Variants in CPEB3 observed in about 807,000 individuals in gnomAD.
CPEB3 encodes cytoplasmic polyadenylation element binding protein 3.
In CPEB3, 20 loss-of-function variants were observed where a neutral mutation model predicts 67.2. The observed-to-expected ratio is 0.30, with a 90% CI of 0.21 to 0.43. The LOEUF (loss-of-function observed/expected upper bound fraction) is 0.43. Among genes scored for constraint, CPEB3 ranks in the 20% least tolerant of loss-of-function variants. CPEB3 has a pLI of 1.00. For missense variants in CPEB3, 746 were observed against 968.6 expected (o/e 0.77, Z 3.05); for synonymous variants, 376 against 393.1 (o/e 0.96, Z 0.51).
intron 8 of CPEB3, among the ~76,000 whole-genome samples, chr10:92,090,629 G>A (rs1220109707): frequency 1.3e-5 from 2 of 152,168 alleles, no homozygotes; most frequent in African/African-American, 4.8e-5. Context: ...TTGTCCATTT[G>A]TAAAATAAGG....
chr10:92,094,244 A>C (rs1270757828), intron 7 of CPEB3, among the ~76,000 whole-genome samples: 1 of 152,014 alleles, frequency 6.6e-6, no homozygotes, highest in East Asian at 1.9e-4. Flanking sequence ...AGACCCTGAA[A>C]ACTTGGACCT....
At chr10:92,131,967 G>A (rs1452375428) in intron 6 of CPEB3, among the ~76,000 whole-genome samples, 1 of 152,108 alleles carries the variant, frequency 6.6e-6, no homozygotes, top group Admixed American at 6.6e-5. Flanking sequence ...ATTTTAAAAG[G>A]TAAAAAGAAA....
At chr10:92,248,549 TGG>T in intron 1 of CPEB3, among the ~76,000 whole-genome samples, 1 of 152,284 alleles carries the variant, frequency 6.6e-6, no homozygotes, top group South Asian at 2.1e-4. Context: ...TACGGATAAA[TGG>T]ATGGATGAAT....
At chr10:92,229,389 T>G (rs1405301425) in intron 2 of CPEB3, among the ~76,000 whole-genome samples, 1 of 152,144 alleles carries the variant, frequency 6.6e-6, no homozygotes, top group Non-Finnish European at 1.5e-5. Context: ...CTCATTCTAG[T>G]CAGTTCTATT....
At chr10:92,139,617 C>A (rs916672536) in intron 6 of CPEB3, among the ~76,000 whole-genome samples, 4 of 152,138 alleles carry the variant, frequency 2.6e-5, no homozygotes, top group Non-Finnish European at 5.9e-5. Context: ...AAGATCTTGT[C>A]TTTGATAGTA....
chr10:92,115,031 C>T (rs1448661287), intron 6 of CPEB3, among the ~76,000 whole-genome samples: 1 of 152,242 alleles, frequency 6.6e-6, no homozygotes, highest in African/African-American at 2.4e-5. Context: ...GCAGCTCCTC[C>T]TCTTCTCCGC....
chr10:92,289,718 CAA>C (rs749285662), intron 1 of CPEB3, among the ~76,000 whole-genome samples: 8 of 30,958 alleles, frequency 2.6e-4, no homozygotes, highest in East Asian at 1.3e-3. Context: ...GCGTCTCTAC[CAA>C]AAAAAAAAAA....
intron 3 of CPEB3, among the ~76,000 whole-genome samples, chr10:92,182,009 AT>A (rs1307594303): frequency 3.9e-5 from 6 of 152,146 alleles, no homozygotes; most frequent in Non-Finnish European, 5.9e-5. Flanking sequence ...AAAAAAAAAA[AT>A]GTACTTAGAA....
chr10:92,278,851 G>A (rs190405718), intron 1 of CPEB3, among the ~76,000 whole-genome samples: 88 of 151,254 alleles, frequency 5.8e-4, no homozygotes, highest in African/African-American at 1.8e-3. Context: ...TGCCTGCCTC[G>A]GCCTCCCAAA....
At chr10:92,162,299 T>C (rs764926937) in intron 4 of CPEB3, among the ~76,000 whole-genome samples, 6 of 152,106 alleles carry the variant, frequency 3.9e-5, no homozygotes, top group Non-Finnish European at 8.8e-5. Flanking sequence ...TTTGGGGTAT[T>C]AGTAATGTTT....
chr10:92,181,048 A>T, intron 3 of CPEB3, 29 bp from the exon 4 acceptor site: 2 of 1,224,454 alleles, frequency 1.6e-6, no homozygotes, highest in South Asian at 2.5e-5. Context: ...TTAAGCAAAA[A>T]GAATGTTTAA....
chr10:92,218,587 G>T (rs569663656), intron 2 of CPEB3, among the ~76,000 whole-genome samples: 29 of 152,310 alleles, frequency 1.9e-4, no homozygotes, highest in African/African-American at 7.0e-4. Context: ...ATTGAGACAT[G>T]GGTCTGTGTT....
At chr10:92,061,951 T>C (rs900898011) in intron 9 of CPEB3, among the ~76,000 whole-genome samples, 26 of 152,290 alleles carry the variant, frequency 1.7e-4, no homozygotes, top group South Asian at 4.1e-4. Context: ...CCACTATGTA[T>C]AAAAATTTGG....
At chr10:92,257,262 G>A (rs1432400783) in intron 1 of CPEB3, among the ~76,000 whole-genome samples, 1 of 152,178 alleles carries the variant, frequency 6.6e-6, no homozygotes, top group African/African-American at 2.4e-5. Context: ...TCAATTGGAA[G>A]GCATAACATT....
At chr10:92,121,302 C>T (rs888091057) in intron 6 of CPEB3, among the ~76,000 whole-genome samples, 1 of 150,222 alleles carries the variant, frequency 6.7e-6, no homozygotes, top group African/African-American at 2.4e-5. Flanking sequence ...GCCACCACGC[C>T]CGGTCTACAA....
intron 6 of CPEB3, among the ~76,000 whole-genome samples, chr10:92,135,969 C>T (rs1846072600): frequency 6.8e-6 from 1 of 146,958 alleles, no homozygotes. Flanking sequence ...AATGAGAACA[C>T]TTGGACACAG....
At chr10:92,277,041 GA>G (rs1292704382) in intron 1 of CPEB3, among the ~76,000 whole-genome samples, 14 of 152,074 alleles carry the variant, frequency 9.2e-5, no homozygotes, top group South Asian at 8.3e-4. Context: ...GAGTTGAAGA[GA>G]TTTTTTTATA....
chr10:92,106,712 G>A (rs1844474940), intron 7 of CPEB3, among the ~76,000 whole-genome samples: 1 of 148,342 alleles, frequency 6.7e-6, no homozygotes, highest in Non-Finnish European at 1.5e-5. Context: ...CTACCTGGGA[G>A]ACTAAGGCAG....
chr10:92,052,987 G>T (rs533896980), intron 9 of CPEB3, among the ~76,000 whole-genome samples: 10 of 152,308 alleles, frequency 6.6e-5, no homozygotes, highest in African/African-American at 2.4e-4. Context: ...AATATGGGAG[G>T]AGCTGAAGGG....
Sources: allele counts gnomAD v4.1 joint callset (sites outside exome capture counted in the v4.1 genomes callset), GRCh38; gene constraint gnomAD v4.1.1; transcripts MANE v1.5; gene names NCBI Gene and HGNC (gene_info 2026-07-23, HGNC 2026-07-21).